The following LRP2BP variants were observed in gnomAD, a reference collection of about 807,000 sequenced individuals.
LRP2BP encodes the protein LRP2 binding protein.
Under a neutral mutation model 45.2 loss-of-function variants are expected in LRP2BP, and 38 were observed. The observed-to-expected ratio is 0.84, with a 90% CI of 0.65 to 1.10. LRP2BP has a LOEUF of 1.10. Among genes scored for constraint, LRP2BP ranks in the 50% least tolerant of loss-of-function variants. The pLI is 0.00. For missense variants in LRP2BP, 385 were observed against 418.9 expected (o/e 0.92, Z 0.71); for synonymous variants, 153 against 153.9 (o/e 0.99, Z 0.04).
At position 185,395,564 on chromosome 4, in the gene LRP2BP, T is replaced by C. The variant is rs2095499800; in HGVS notation, c.-807A>G. 2 of 973,148 alleles carry C rather than the reference T, an allele frequency of 2.1e-6. No individual in the cohort carries two copies. Among genetic ancestry groups the C allele is most frequent in the South Asian group, 9.5e-5 (2 of 20,966 alleles). 60.3% of individuals were successfully genotyped at this position (973,148 alleles called of 1,614,324 possible). A position where few individuals can be genotyped will look rare whatever the true frequency, so the allele number is the denominator to read the frequency against. ...AAAGATATTGTGAATAGTTTAAATATTAAAAATGTGGAATATAAGAACGAT... is the reference window on the plus strand; with the variant it reads ...AAAGATATTGTGAATAGTTTAAATACTAAAAATGTGGAATATAAGAACGAT... On this transcript the variant is annotated 5_prime_UTR_variant, in exon 1 of 9. Coordinates refer to ENST00000505916, the MANE Select transcript of LRP2BP (RefSeq NM_001377440.1).
chr4:185,376,130 C>T (rs956200645), intron 3 of LRP2BP, among the ~76,000 whole-genome samples: 1 of 152,158 alleles, frequency 6.6e-6, no homozygotes, highest in African/African-American at 2.4e-5. Flanking sequence ...CATAGCCATT[C>T]CTCAGTCTAC....
intron 1 of LRP2BP, among the ~76,000 whole-genome samples, chr4:185,379,301 TAAG>T (rs1205590543): frequency 1.3e-5 from 2 of 152,162 alleles, no homozygotes; most frequent in South Asian, 2.1e-4. Flanking sequence ...GGTAAGGTAT[TAAG>T]AAGAAAAACA....
Position 185,394,923 on chromosome 4 carries a change from G to A in LRP2BP, c.-166C>T, listed in dbSNP as rs2095497837. ...GCATCTTAGATCATCTTCCGTTTTA[G>A]AAAATTGATCCCACCTGCTACACGC... On this transcript the variant is annotated 5_prime_UTR_variant, in exon 1 of 9. Coordinates refer to ENST00000505916, the MANE Select transcript of LRP2BP (RefSeq NM_001377440.1). The A allele has an allele frequency of 1.0e-6, 1 of 985,300 alleles. No homozygotes were observed. The allele number at this position is 985,300 out of a possible 1,614,324, so 61.0% of individuals were successfully genotyped here.
chr4:185,378,866 T>G, intron 1 of LRP2BP: 1 of 985,430 alleles, frequency 1.0e-6, no homozygotes, highest in Non-Finnish European at 1.2e-6. Context: ...TCCTTGGCAT[T>G]CCACTGTTAT....
chr4:185,378,432 C>T (rs1441766843), intron 1 of LRP2BP: 3 of 1,320,192 alleles, frequency 2.3e-6, no homozygotes, highest in East Asian at 3.2e-5. Flanking sequence ...TCCACAGCAT[C>T]GCATTCACCA....
intron 1 of LRP2BP, among the ~76,000 whole-genome samples, chr4:185,390,317 C>T (rs545040120): frequency 3.3e-5 from 5 of 152,118 alleles, no homozygotes; most frequent in African/African-American, 1.2e-4. Flanking sequence ...TCAAGACCAG[C>T]CTGACCAACA....
chr4:185,382,661 AT>A, intron 1 of LRP2BP, among the ~76,000 whole-genome samples: 1 of 152,136 alleles, frequency 6.6e-6, no homozygotes, highest in Non-Finnish European at 1.5e-5. Flanking sequence ...GTATTTGTAA[AT>A]GTCTATTCAA....
At chr4:185,379,121 TC>T (rs1481176760) in intron 1 of LRP2BP, 1 of 294,566 alleles carries the variant, frequency 3.4e-6, no homozygotes, top group Non-Finnish European at 5.0e-6. Context: ...TTTTTAAGAG[TC>T]AATTTCCTCA....
In LRP2BP at chr4:185,365,018, ATGTGTGTGTGTG is replaced by A. The variant is rs3841656; in HGVS notation, c.*2150_*2161del. On this transcript the variant is annotated 3_prime_UTR_variant, in exon 9 of 9. Transcript: ENST00000505916. ...TTAGAGAAGGAGTGTGTGTGTGTGT[ATGTGTGTGTGTG>A]TGTGTGTGTGTAAGAGTAATGATCT... The A allele has an allele frequency of 2.0e-5, 3 of 148,978 alleles. No homozygotes were observed. The East Asian group carries it at 5.9e-4, about 29-fold the overall frequency. The allele number at this position is 148,978 out of a possible 1,614,324, so 9.2% of individuals were successfully genotyped here.
chr4:185,389,499 C>T (rs577108976), intron 1 of LRP2BP, among the ~76,000 whole-genome samples: 22 of 152,148 alleles, frequency 1.4e-4, no homozygotes, highest in African/African-American at 4.8e-4. Flanking sequence ...CGTGAGCCAC[C>T]GTGCCCAGCC....
At chr4:185,396,039 G>A, upstream of LRP2BP, 1 of 385,908 alleles carries the variant, frequency 2.6e-6, no homozygotes, top group Non-Finnish European at 3.5e-6. Context: ...CACCAGCCCC[G>A]CGGGTCCGAA....
intron 4 of LRP2BP, among the ~76,000 whole-genome samples, chr4:185,374,690 TA>T (rs2095427377): frequency 6.6e-6 from 1 of 152,184 alleles, no homozygotes; most frequent in South Asian, 2.1e-4. Context: ...CTCTGGGATA[TA>T]AGAAATTTCC....
At chr4:185,388,456 C>CCTATCAATCAT (rs1209086970) in intron 1 of LRP2BP, among the ~76,000 whole-genome samples, 10 of 152,030 alleles carry the variant, frequency 6.6e-5, no homozygotes, top group African/African-American at 1.7e-4. Flanking sequence ...TGCCTACCTA[C>CCTATCAATCAT]CTACCTAACC....
chr4:185,370,181 A>G (rs2095410220), intron 8 of LRP2BP: 1 of 164,576 alleles, frequency 6.1e-6, no homozygotes, highest in Admixed American at 5.8e-5. Flanking sequence ...ACATGGATTA[A>G]AATATGAAAG....
Position 185,395,419 on chromosome 4 carries a change from GT to G in LRP2BP, c.-663del. On this transcript the variant is annotated 5_prime_UTR_variant, in exon 1 of 9. Transcript: ENST00000505916. ...GTGCAAACCTGAAGCTTCAACACGT[GT>G]TTTAAAAAGCAGTGCTTATTGAATT... is the stretch of plus-strand genomic sequence containing the variant. The G allele has an allele frequency of 1.0e-6, 1 of 985,282 alleles. No individual in the cohort carries two copies. Among genetic ancestry groups the G allele is most frequent in the Non-Finnish European group, 1.2e-6 (1 of 829,860 alleles). The allele number at this position is 985,282 out of a possible 1,614,324, so 61.0% of individuals were successfully genotyped here. A position where few individuals can be genotyped will look rare whatever the true frequency, so the allele number is the denominator to read the frequency against.
chr4:185,396,658 C>T (rs1478674162), upstream of LRP2BP: 6 of 510,686 alleles, frequency 1.2e-5, no homozygotes, highest in Non-Finnish European at 2.1e-5. Context: ...GCCCCCTCCC[C>T]CTGCCCCCGG....
intron 8 of LRP2BP, among the ~76,000 whole-genome samples, chr4:185,370,403 A>G (rs2095410881): frequency 6.6e-6 from 1 of 152,188 alleles, no homozygotes; most frequent in African/African-American, 2.4e-5. Flanking sequence ...TAGTAGCAGA[A>G]TGAAAGAGTA....
intron 1 of LRP2BP, among the ~76,000 whole-genome samples, chr4:185,391,575 C>A (rs1024616144): frequency 1.3e-5 from 2 of 152,158 alleles, no homozygotes; most frequent in Non-Finnish European, 2.9e-5. Context: ...GAGTTATAAT[C>A]CAACAGTACC....
upstream of LRP2BP, chr4:185,397,257 C>T: frequency 6.2e-7 from 1 of 1,614,078 alleles, no homozygotes; most frequent in Middle Eastern, 1.7e-4. Context: ...GCCTTGCTTG[C>T]TTTCTTCTCT....
Sources: allele counts gnomAD v4.1 joint callset (sites outside exome capture counted in the v4.1 genomes callset), GRCh38; gene constraint gnomAD v4.1.1; transcripts MANE v1.5; gene names NCBI Gene and HGNC (gene_info 2026-07-23, HGNC 2026-07-21).